Variants in ENPP1 observed in about 807,000 individuals in gnomAD.
ENPP1 encodes ectonucleotide pyrophosphatase/phosphodiesterase family member 1.
In ENPP1, 73 loss-of-function variants were observed where a neutral mutation model predicts 122.8. The observed-to-expected ratio is 0.59, with a 90% CI of 0.49 to 0.72. ENPP1 has a LOEUF of 0.72. Among genes scored for constraint, ENPP1 ranks in the 30% least tolerant of loss-of-function variants. ENPP1 has a pLI of 0.00. For missense variants in ENPP1, 978 were observed against 1,128.1 expected, an observed-to-expected ratio of 0.87 and a Z score of 1.91; for synonymous variants, 367 against 391.6, an observed-to-expected ratio of 0.94 and a Z score of 0.74.
rs564514065 is a variant in ENPP1 at position 131,865,852 on chromosome 6, C to T, written c.1164+914C>T. Among the ~76,000 whole-genome samples, 7 of 151,972 alleles carry T rather than the reference C, an allele frequency of 4.6e-5. No individual in the cohort carries two copies. In the South Asian group the frequency reaches 8.3e-4, roughly 18 times the overall value. On this transcript the variant is annotated intron_variant, in intron 11 of 24. Transcript: ENST00000647893. ...CTACTAAAAATACAAAAAAATTAGC[C>T]GGGCCTGGTGGTGTGTGCCTATAAT...
chr6:131,864,934 G>A lies in ENPP1; in HGVS notation c.1160G>A (p.Ser387Asn). The A allele has an allele frequency of 6.3e-7, 1 of 1,575,028 alleles. No homozygotes were observed. The highest frequency in any genetic ancestry group is 1.3e-5 in the African/African-American group (1 of 74,210). The change falls in exon 11 of 25, where the codon AGT (serine) becomes AAT (asparagine). Residue 387 changes from serine (S) to asparagine (N), a missense_variant. Coordinates refer to ENST00000647893, the MANE Select transcript of ENPP1 (RefSeq NM_006208.3). ...GGTCATTCATATGGACCAGTCAGCAGTGAAGTAAGTACATTTTTATCAGTA... is the reference window on the plus strand; with the variant it reads ...GGTCATTCATATGGACCAGTCAGCAATGAAGTAAGTACATTTTTATCAGTA... The part of the protein sequence containing the change: ...SSGHSYGPVS[S>N]EVIKALQRVD...
At chr6:131,872,755 G>T (rs1472346102) in intron 14 of ENPP1, among the ~76,000 whole-genome samples, 168 bp from the exon 15 acceptor site, 1 of 151,758 alleles carries the variant, frequency 6.6e-6, no homozygotes, top group Non-Finnish European at 1.5e-5. Context: ...TGAAATGTTT[G>T]TGAAAAAAAA....
intron 22 of ENPP1, among the ~76,000 whole-genome samples, chr6:131,884,008 G>A (rs534108303): frequency 5.1e-4 from 77 of 152,172 alleles, no homozygotes; most frequent in African/African-American, 1.7e-3. Context: ...TATGTGATGC[G>A]CTTCCTAAAG....
chr6:131,815,315 T>G (rs1418639929), intron 1 of ENPP1, among the ~76,000 whole-genome samples: 5 of 152,170 alleles, frequency 3.3e-5, no homozygotes, highest in Non-Finnish European at 4.4e-5. Flanking sequence ...TCTTTGGTTT[T>G]GATAACTTTG....
intron 1 of ENPP1, among the ~76,000 whole-genome samples, chr6:131,836,287 T>A (rs1478668203): frequency 6.6e-6 from 1 of 152,114 alleles, no homozygotes; most frequent in Non-Finnish European, 1.5e-5. Context: ...TAATTTTTTG[T>A]ATTTTTAGTA....
In ENPP1 at chr6:131,849,980, A is replaced by G. The variant is rs1562519637; in HGVS notation, c.314-10A>G. On this transcript the variant is annotated splice_polypyrimidine_tract_variant and intron_variant, in intron 2 of 24. Coordinates refer to ENST00000647893, the MANE Select transcript of ENPP1 (RefSeq NM_006208.3). ...TTAGAAACATCTGACTTATCGTTCA[A>G]TTTTTTCAGTTAAAAGTTGCAAAGG... 3.1e-6 allele frequency: 5 copies of G among 1,591,672 alleles called. No homozygotes were observed. Among genetic ancestry groups the G allele is most frequent in the Non-Finnish European group, 4.3e-6 (5 of 1,159,462 alleles).
chr6:131,863,393 G>T (rs538867134), intron 9 of ENPP1, among the ~76,000 whole-genome samples: 1 of 152,038 alleles, frequency 6.6e-6, no homozygotes, highest in African/African-American at 2.4e-5. Context: ...CAAGATTACC[G>T]AAATAATTTT....
intron 1 of ENPP1, among the ~76,000 whole-genome samples, chr6:131,845,104 G>C (rs1174552518): frequency 7.4e-6 from 1 of 134,620 alleles, no homozygotes; most frequent in Non-Finnish European, 1.5e-5. Context: ...TGTCGCCCAG[G>C]CTGGAGTGCA....
chr6:131,890,047 C>G (rs894668261), intron 24 of ENPP1, among the ~76,000 whole-genome samples: 1 of 152,048 alleles, frequency 6.6e-6, no homozygotes, highest in African/African-American at 2.4e-5. Context: ...TCTGTTTTCC[C>G]CCTTTTTTTA....
chr6:131,882,138 A>G (rs1020452422), intron 20 of ENPP1, among the ~76,000 whole-genome samples: 1 of 152,166 alleles, frequency 6.6e-6, no homozygotes, highest in Non-Finnish European at 1.5e-5. Context: ...TTGCATAAAT[A>G]TGACAATTAA....
chr6:131,880,672 G>C (rs928045013), intron 20 of ENPP1, among the ~76,000 whole-genome samples: 4 of 152,064 alleles, frequency 2.6e-5, no homozygotes, highest in Admixed American at 6.5e-5. Context: ...TCAGCCTTAG[G>C]ATCAGTCACA....
chr6:131,883,287 C>A (rs1375307186), intron 21 of ENPP1, among the ~76,000 whole-genome samples: 1 of 152,200 alleles, frequency 6.6e-6, no homozygotes, highest in Non-Finnish European at 1.5e-5. Context: ...TGTTTCGAGA[C>A]AGACATCCTG....
At chr6:131,824,473 G>A (rs1781520580) in intron 1 of ENPP1, among the ~76,000 whole-genome samples, 1 of 125,478 alleles carries the variant, frequency 8.0e-6, no homozygotes, top group Non-Finnish European at 1.8e-5. Flanking sequence ...GTTGTTGTTT[G>A]AGACGGAGTC....
rs927483963 is a variant in ENPP1, at chr6:131,891,954, C to T, written c.*1443C>T. ...ATTTTAGTTATTGTATGTTTTATTT[C>T]TAAAATTTCCATTCAGTTTTTCTTT... On this transcript the variant is annotated 3_prime_UTR_variant, in exon 25 of 25. Transcript: ENST00000647893. The T allele has an allele frequency of 5.9e-5, 9 of 151,892 alleles. No individual in the cohort carries two copies. The highest frequency in any genetic ancestry group is 1.2e-4 in the Non-Finnish European group (8 of 67,986). The allele number at this position is 151,892 out of a possible 1,614,324, so 9.4% of individuals were successfully genotyped here. A position where few individuals can be genotyped will look rare whatever the true frequency, so the allele number is the denominator to read the frequency against.
chr6:131,868,608 TA>T (rs953986400), intron 12 of ENPP1, among the ~76,000 whole-genome samples: 1 of 152,094 alleles, frequency 6.6e-6, no homozygotes, highest in Non-Finnish European at 1.5e-5. Context: ...CCTGGCTAAT[TA>T]AAAAAAATTT....
chr6:131,831,783 G>A (rs858337), intron 1 of ENPP1, among the ~76,000 whole-genome samples: 29,370 of 151,956 alleles, frequency 0.19, 3,023 homozygotes, highest in Middle Eastern at 0.27. Flanking sequence ...TTGACTACCC[G>A]GCTGAGGTAG....
rs1782198065 is a variant in ENPP1 at position 131,874,119 on chromosome 6, T to C, written c.1566-149T>C. ...ATAAAAGATAGAGGTGACTTCTTAA[T>C]GCTTTTCAAAGCCAGGTGGTTTTAT... On this transcript the variant is annotated intron_variant, in intron 15 of 24. Transcript: ENST00000647893. 8.0e-6 allele frequency: 5 copies of C among 624,182 alleles called. No homozygotes were observed. In the South Asian group the frequency reaches 9.3e-5, roughly 12 times the overall value. The allele number at this position is 624,182 out of a possible 1,614,324, so 38.7% of individuals were successfully genotyped here. A position where few individuals can be genotyped will look rare whatever the true frequency, so the allele number is the denominator to read the frequency against.
chr6:131,833,210 T>G (rs1433518807), intron 1 of ENPP1, among the ~76,000 whole-genome samples: 2 of 152,206 alleles, frequency 1.3e-5, no homozygotes, highest in African/African-American at 4.8e-5. Flanking sequence ...CTTATGTGCT[T>G]GTCAGAGCTT....
chr6:131,823,903 AG>A (rs1407470751), intron 1 of ENPP1, among the ~76,000 whole-genome samples: 2 of 151,354 alleles, frequency 1.3e-5, no homozygotes, highest in East Asian at 3.9e-4. Context: ...AGTACCTCAC[AG>A]GTTTGTTTTG....
Sources: gnomAD v4.1 joint callset for allele counts (sites outside exome capture counted in the v4.1 genomes callset) on GRCh38, gnomAD v4.1.1 for gene constraint, MANE v1.5 for transcripts, NCBI Gene and HGNC (gene_info 2026-07-23, HGNC 2026-07-21) for gene names.